INSR: variants seen among roughly 807,000 people sequenced by gnomAD.
The protein encoded by INSR is IR.
In INSR, 67 loss-of-function variants were observed where a neutral mutation model predicts 142.6. The observed-to-expected ratio is 0.47, with a 90% CI of 0.39 to 0.58. The LOEUF is 0.58. Ranked by LOEUF, INSR falls within the 20% of genes least tolerant of loss-of-function variation. The pLI, the probability that INSR is intolerant of heterozygous loss-of-function variation, is 0.00. For missense variants in INSR, 1,248 were observed against 1,833.2 expected (o/e 0.68, Z 5.83); for synonymous variants, 756 against 743.1 (o/e 1.02, Z -0.28).
chr19:7,114,248 G>A lies in INSR; in HGVS notation c.*2808C>T, dbSNP rs1050780677. On this transcript the variant is annotated 3_prime_UTR_variant, in exon 22 of 22. Coordinates refer to ENST00000302850, the MANE Select transcript of INSR (RefSeq NM_000208.4). ...GGGCACCTTTGTGCTCACTTCAGGGGGATTCCATGGAACAGGTGGGAATGC... is the reference window on the plus strand; with the variant it reads ...GGGCACCTTTGTGCTCACTTCAGGGAGATTCCATGGAACAGGTGGGAATGC... 3 of 152,128 alleles carry A rather than the reference G, an allele frequency of 2.0e-5. No homozygotes were observed. Among genetic ancestry groups the A allele is most frequent in the Non-Finnish European group, 4.4e-5 (3 of 68,038 alleles). 9.4% of individuals were successfully genotyped at this position (152,128 alleles called of 1,614,324 possible).
chr19:7,271,827 T>C (rs1454354588), intron 1 of INSR, among the ~76,000 whole-genome samples: 2 of 149,956 alleles, frequency 1.3e-5, no homozygotes, highest in Non-Finnish European at 3.0e-5. Flanking sequence ...CTGGGCAACA[T>C]AGCGAGTCTC....
At chr19:7,236,831 C>G (rs1264774971) in intron 2 of INSR, among the ~76,000 whole-genome samples, 1 of 151,902 alleles carries the variant, frequency 6.6e-6, no homozygotes, top group Non-Finnish European at 1.5e-5. Flanking sequence ...TCGAGACCAT[C>G]CTGGCTAACA....
intron 2 of INSR, among the ~76,000 whole-genome samples, chr19:7,193,278 C>G (rs1426970158): frequency 6.6e-6 from 1 of 151,898 alleles, no homozygotes; most frequent in Non-Finnish European, 1.5e-5. Context: ...GCCTGGGAGG[C>G]TAAGGTGAGC....
intron 1 of INSR, among the ~76,000 whole-genome samples, chr19:7,274,946 C>T (rs971819812): frequency 1.3e-5 from 2 of 150,782 alleles, no homozygotes; most frequent in South Asian, 2.1e-4. Context: ...GGAAAGAATT[C>T]GAGGGTGAGC....
intron 13 of INSR, among the ~76,000 whole-genome samples, chr19:7,136,161 A>G (rs1972920397): frequency 6.6e-6 from 1 of 151,666 alleles, no homozygotes; most frequent in Non-Finnish European, 1.5e-5. Context: ...CTTGATTTGC[A>G]TTTTTGTCAT....
At chr19:7,255,988 A>G (rs1976879682) in intron 2 of INSR, among the ~76,000 whole-genome samples, 1 of 151,578 alleles carries the variant, frequency 6.6e-6, no homozygotes, top group South Asian at 2.1e-4. Context: ...TTCATCTTCA[A>G]CCCCCGGAAG....
rs929761465 is a variant in INSR at position 7,267,642 on chromosome 19, C to T, written c.355G>A (p.Ala119Thr). 1 of 1,613,916 alleles carries T rather than the reference C, an allele frequency of 6.2e-7. No homozygotes were observed. Among genetic ancestry groups the T allele is most frequent in the South Asian group, 1.1e-5 (1 of 91,074 alleles). ...IRGSRLFFNY[A>T]LVIFEMVHLK... ...TGAACCATCTCGAAGATGACCAGCGCGTAGTTAAAGAACAGTCGTGATCCC... is the reference window on the plus strand; with the variant it reads ...TGAACCATCTCGAAGATGACCAGCGTGTAGTTAAAGAACAGTCGTGATCCC... Residue 119 changes from alanine to threonine, a missense_variant, in exon 2 of 22, where the codon GCG (alanine) becomes ACG (threonine). Around this residue, in one of 3 missense-constraint regions of INSR, gnomAD observed 1,069 missense variants for 1,654.0 expected, o/e 0.65. Transcript: ENST00000302850. The surrounding 1 kb of genome is among the most constrained non-coding windows in gnomAD (Gnocchi z 6.3).
rs35639305 is a variant in INSR, at chr19:7,164,826, CAAAAA to C, written c.1861+1323_1861+1327del. On this transcript the variant is annotated intron_variant, in intron 8 of 21. Transcript: ENST00000302850. ...AGGCAACAAGAGCGAAACTCCATCT[CAAAAA>C]AAAAAAAAAAAAAAAAAAAGGCTGG... is the stretch of plus-strand genomic sequence containing the variant. Among the ~76,000 whole-genome samples, 27 of 46,026 alleles carry C rather than the reference CAAAAA, an allele frequency of 5.9e-4. 2 individuals carry two copies. The South Asian group carries it at 9.4e-3, about 16-fold the overall frequency. 30.2% of individuals were successfully genotyped at this position (46,026 alleles called of 152,430 possible).
chr19:7,123,542 C>CT (rs1303272743), intron 17 of INSR, among the ~76,000 whole-genome samples: 1 of 152,128 alleles, frequency 6.6e-6, no homozygotes, highest in African/African-American at 2.4e-5. Flanking sequence ...CTCATGTCCT[C>CT]TAAGTCTTTG....
Position 7,293,915 on chromosome 19 carries a change from T to G in INSR, c.-24A>C, listed in dbSNP as rs1968569518. 1.7e-6 allele frequency: 2 copies of G among 1,194,248 alleles called. No individual in the cohort carries two copies. Among genetic ancestry groups the G allele is most frequent in the Non-Finnish European group, 2.1e-6 (2 of 968,364 alleles). 74.0% of individuals were successfully genotyped at this position (1,194,248 alleles called of 1,614,324 possible). ...ATGGCTGCGGGAGCGCGGGGTCTCCTCGGATCAGAGCGCGCGGCGCTGGCC... is the reference window on the plus strand; with the variant it reads ...ATGGCTGCGGGAGCGCGGGGTCTCCGCGGATCAGAGCGCGCGGCGCTGGCC... On this transcript the variant is annotated 5_prime_UTR_variant, in exon 1 of 22. Coordinates refer to ENST00000302850, the MANE Select transcript of INSR (RefSeq NM_000208.4).
chr19:7,243,225 A>G (rs1976416403), intron 2 of INSR, among the ~76,000 whole-genome samples: 2 of 128,996 alleles, frequency 1.6e-5, no homozygotes, highest in South Asian at 2.6e-4. Flanking sequence ...CCAGTCACAC[A>G]CTGTTTTGGT....
At chr19:7,134,576 C>A (rs922896184) in intron 13 of INSR, among the ~76,000 whole-genome samples, 1 of 151,908 alleles carries the variant, frequency 6.6e-6, no homozygotes, top group Non-Finnish European at 1.5e-5. Flanking sequence ...ACCATCCTTG[C>A]CAACATGGTG....
At chr19:7,177,391 A>G (rs190985314) in intron 3 of INSR, among the ~76,000 whole-genome samples, 27 of 152,294 alleles carry the variant, frequency 1.8e-4, no homozygotes, top group African/African-American at 6.0e-4. Context: ...GAAAATAAAG[A>G]TGAAGGAGAC....
At position 7,225,624 on chromosome 19, in the gene INSR, C is replaced by T. The variant is rs901707445; in HGVS notation, c.653-40987G>A. Among the ~76,000 whole-genome samples the T allele has an allele frequency of 1.3e-5, 2 of 152,166 alleles. No homozygotes were observed. Among genetic ancestry groups the T allele is most frequent in the East Asian group, 1.9e-4 (1 of 5,202 alleles). Reference sequence around the variant, plus strand: ...TTCCTTGGTCCCCCAAGTCTAGGGACGTGGTTTTTGTCGGTAGCATGGCAG... The same window carrying T: ...TTCCTTGGTCCCCCAAGTCTAGGGATGTGGTTTTTGTCGGTAGCATGGCAG... On this transcript the variant is annotated intron_variant, in intron 2 of 21. Transcript: ENST00000302850. The surrounding 1 kb of genome is among the most constrained non-coding windows in gnomAD (Gnocchi z 4.7).
chr19:7,186,445 T>C (rs576866484), intron 2 of INSR, among the ~76,000 whole-genome samples: 70 of 152,284 alleles, frequency 4.6e-4, no homozygotes, highest in Admixed American at 4.6e-3. Flanking sequence ...CTGAATGTGC[T>C]TAGTGCAACT....
chr19:7,174,568 C>A lies in INSR; in HGVS notation c.1123+15G>T. ...GCCCAACAGGCACCCCCGACGCCCA[C>A]ACAGAGACACTCACTGCCTCCTCGA... On this transcript the variant is annotated intron_variant, in intron 4 of 21. Coordinates refer to ENST00000302850, the MANE Select transcript of INSR (RefSeq NM_000208.4). The A allele has an allele frequency of 1.2e-6, 2 of 1,613,952 alleles. No homozygotes were observed. Among genetic ancestry groups the A allele is most frequent in the Non-Finnish European group, 8.5e-7 (1 of 1,179,908 alleles).
At chr19:7,184,947 T>C (rs1351646544) in intron 2 of INSR, among the ~76,000 whole-genome samples, 1 of 152,176 alleles carries the variant, frequency 6.6e-6, no homozygotes, top group Non-Finnish European at 1.5e-5. Flanking sequence ...GTGTAAATAT[T>C]CCTACCAGTG....
intron 2 of INSR, among the ~76,000 whole-genome samples, chr19:7,251,788 C>T (rs371776851): frequency 9.2e-5 from 14 of 151,944 alleles, no homozygotes; most frequent in East Asian, 1.9e-4. Flanking sequence ...TGAGTGTTGA[C>T]GTTAGAGTGA....
intron 2 of INSR, among the ~76,000 whole-genome samples, chr19:7,248,993 AG>A (rs1976624604): frequency 6.6e-6 from 1 of 152,026 alleles, no homozygotes; most frequent in Non-Finnish European, 1.5e-5. Flanking sequence ...TCCCCACCTC[AG>A]ATGATCCGCC....
Sources: gnomAD v4.1 joint callset for allele counts (sites outside exome capture counted in the v4.1 genomes callset) on GRCh38, gnomAD v4.1.1 for gene constraint, gnomAD v4.1.1 regional missense constraint, Gnocchi (gnomAD v3.1) non-coding constraint, MANE v1.5 for transcripts, NCBI Gene and HGNC (gene_info 2026-07-23, HGNC 2026-07-21) for gene names.